DACH1: variants seen among roughly 807,000 people sequenced by gnomAD.
DACH1 encodes the protein dachshund family transcription factor 1.
Under a neutral mutation model 54.2 loss-of-function variants are expected in DACH1, and 12 were observed. The observed-to-expected ratio is 0.22, with a 90% confidence interval of 0.14 to 0.36. DACH1 has a LOEUF of 0.36. Among genes scored for constraint, DACH1 ranks in the 10% least tolerant of loss-of-function variants. The pLI is 1.00. For synonymous variants in DACH1, 386 were observed against 366.2 expected (o/e 1.05, Z -0.62); for missense variants, 805 against 929.8 (o/e 0.87, Z 1.75).
intron 1 of DACH1, among the ~76,000 whole-genome samples, chr13:71,781,621 G>T (rs1346574925): frequency 1.3e-5 from 2 of 151,788 alleles, no homozygotes; most frequent in South Asian, 2.1e-4. Flanking sequence ...CTCGTGATCC[G>T]CCCGCCTCGG....
intron 1 of DACH1, among the ~76,000 whole-genome samples, chr13:71,829,753 G>A (rs1264413336): frequency 6.6e-6 from 1 of 151,910 alleles, no homozygotes; most frequent in African/African-American, 2.4e-5. Flanking sequence ...TGTCAGAAGT[G>A]ATAAATCAAA....
chr13:71,742,514 A>G (rs752897224), intron 1 of DACH1, among the ~76,000 whole-genome samples: 3 of 152,150 alleles, frequency 2.0e-5, no homozygotes, highest in Non-Finnish European at 2.9e-5. Flanking sequence ...CCTAAAATTT[A>G]TTCATATTTA....
chr13:71,820,026 A>G (rs945905338), intron 1 of DACH1, among the ~76,000 whole-genome samples: 1 of 144,262 alleles, frequency 6.9e-6, no homozygotes, highest in Non-Finnish European at 1.5e-5. Flanking sequence ...CACTACTCTG[A>G]GAGGCCGAAG....
At chr13:71,620,207 C>G (rs1186801696) in intron 3 of DACH1, among the ~76,000 whole-genome samples, 2 of 151,688 alleles carry the variant, frequency 1.3e-5, no homozygotes, top group African/African-American at 4.8e-5. Context: ...CATGAGCGAG[C>G]AAAAACAGAA....
chr13:71,686,406 G>A (rs1881164963), intron 1 of DACH1, among the ~76,000 whole-genome samples: 1 of 152,006 alleles, frequency 6.6e-6, no homozygotes, highest in African/African-American at 2.4e-5. Flanking sequence ...ATCGCCAGGG[G>A]GGTCTTCTTT....
intron 3 of DACH1, among the ~76,000 whole-genome samples, chr13:71,624,518 T>A (rs1285766833): frequency 6.6e-6 from 1 of 151,998 alleles, no homozygotes; most frequent in African/African-American, 2.4e-5. Context: ...CAAGACTGGC[T>A]GTTAATATTG....
intron 2 of DACH1, among the ~76,000 whole-genome samples, chr13:71,643,694 C>T (rs1566401460): frequency 6.6e-6 from 1 of 152,086 alleles, no homozygotes; most frequent in Non-Finnish European, 1.5e-5. Flanking sequence ...ATAAATGAAC[C>T]TTTATTGCCT....
chr13:71,842,415 A>T (rs950185715), intron 1 of DACH1, among the ~76,000 whole-genome samples: 2 of 97,900 alleles, frequency 2.0e-5, no homozygotes, highest in Non-Finnish European at 3.7e-5. Context: ...ATTTCTATTA[A>T]AAAAAAAAAA....
chr13:71,783,966 A>T (rs1277148837), intron 1 of DACH1, among the ~76,000 whole-genome samples: 6 of 50,630 alleles, frequency 1.2e-4, no homozygotes, highest in Admixed American at 3.0e-4. Context: ...CCAAGGTTTA[A>T]AAAAAAAAAA....
chr13:71,664,879 T>C (rs1448928035), intron 2 of DACH1, among the ~76,000 whole-genome samples: 1 of 152,048 alleles, frequency 6.6e-6, no homozygotes, highest in Non-Finnish European at 1.5e-5. Flanking sequence ...ATGAAAAGTA[T>C]GACCATAATT....
intron 10 of DACH1, among the ~76,000 whole-genome samples, chr13:71,449,910 G>C (rs897795092): frequency 1.4e-5 from 2 of 143,290 alleles, no homozygotes; most frequent in African/African-American, 5.2e-5. Context: ...TCACACACCA[G>C]GGCCTGTTGT....
intron 6 of DACH1, among the ~76,000 whole-genome samples, chr13:71,518,084 A>C (rs1881294838): frequency 6.6e-6 from 1 of 151,880 alleles, no homozygotes; most frequent in African/African-American, 2.4e-5. Flanking sequence ...ATTAATATGT[A>C]ATACTAGTGT....
intron 1 of DACH1, among the ~76,000 whole-genome samples, chr13:71,744,188 A>G (rs1283322818): frequency 1.3e-5 from 2 of 152,240 alleles, no homozygotes; most frequent in East Asian, 3.8e-4. Context: ...TGATTTGGAA[A>G]TAATAATCAA....
At chr13:71,615,037 T>C (rs1477115917) in intron 3 of DACH1, among the ~76,000 whole-genome samples, 1 of 151,652 alleles carries the variant, frequency 6.6e-6, no homozygotes, top group East Asian at 1.9e-4. Context: ...AATGTAAAAA[T>C]TTCCATATTT....
chr13:71,807,419 C>A (rs1438279410), intron 1 of DACH1, among the ~76,000 whole-genome samples: 497 of 99,380 alleles, frequency 5.0e-3, no homozygotes, highest in East Asian at 6.7e-3. Flanking sequence ...TCACAGATTG[C>A]AAAAAAAAAA....
At chr13:71,805,305 A>G (rs1377211545) in intron 1 of DACH1, among the ~76,000 whole-genome samples, 2 of 152,208 alleles carry the variant, frequency 1.3e-5, no homozygotes. Context: ...ACCAAAATCT[A>G]TGAGACGCAA....
chr13:71,847,276 T>G (rs1262718836), intron 1 of DACH1, among the ~76,000 whole-genome samples: 1 of 152,214 alleles, frequency 6.6e-6, no homozygotes, highest in Non-Finnish European at 1.5e-5. Context: ...GCATTCCTAT[T>G]TTAATTTATT....
At chr13:71,779,134 T>C (rs1886201735) in intron 1 of DACH1, among the ~76,000 whole-genome samples, 2 of 143,842 alleles carry the variant, frequency 1.4e-5, no homozygotes, top group Admixed American at 7.0e-5. Flanking sequence ...TATATACATA[T>C]ATACACATAT....
intron 2 of DACH1, among the ~76,000 whole-genome samples, chr13:71,667,351 G>A (rs940564228): frequency 1.3e-5 from 2 of 152,154 alleles, no homozygotes; most frequent in Admixed American, 6.5e-5. Flanking sequence ...GAATTTGCTG[G>A]ACAGACAGTC....
Sources: allele counts gnomAD v4.1 joint callset (sites outside exome capture counted in the v4.1 genomes callset), GRCh38; gene constraint gnomAD v4.1.1; transcripts MANE v1.5; gene names NCBI Gene and HGNC (gene_info 2026-07-23, HGNC 2026-07-21).